The following LRTM3 variants were observed in gnomAD, a reference collection of about 807,000 sequenced individuals.
The protein encoded by LRTM3 is leucine-rich repeat transmembrane protein 3.
At chr13:102,733,249 G>T in the LRTM3 span, 1 of 1,551,400 alleles carries the variant, frequency 6.4e-7, no homozygotes, top group South Asian at 1.2e-5. Flanking sequence ...TCCAGTTGGT[G>T]ACGATACTTA....
At chr13:102,748,802 A>G in the LRTM3 span, 1 of 1,550,464 alleles carries the variant, frequency 6.4e-7, no homozygotes. Flanking sequence ...AGTGTTGACC[A>G]TGAAGGATTG....
At chr13:102,757,980 C>T in the LRTM3 span, among the ~76,000 whole-genome samples, 61,858 of 152,100 alleles carry the variant, frequency 0.41, 14,379 homozygotes, top group Non-Finnish European at 0.51. Context: ...ATCCCTAGCA[C>T]GGAGATAACT....
At chr13:102,758,457 A>G in the LRTM3 span, 2 of 1,539,290 alleles carry the variant, frequency 1.3e-6, no homozygotes, top group East Asian at 4.9e-5. Flanking sequence ...CTGGAGCTGA[A>G]TAGGAATAAA....
At chr13:102,758,858 C>T in the LRTM3 span, 1 of 1,550,230 alleles carries the variant, frequency 6.5e-7, no homozygotes, top group Non-Finnish European at 8.7e-7. Context: ...CTAGAAAGTC[C>T]CATAATGTCA....
chr13:102,758,649 T>G, the LRTM3 span: 4 of 1,513,750 alleles, frequency 2.6e-6, no homozygotes, highest in Non-Finnish European at 3.6e-6. Context: ...CAAATTATTC[T>G]TATGTCTGAT....
At chr13:102,730,892 A>G in the LRTM3 span, 2 of 1,551,360 alleles carry the variant, frequency 1.3e-6, no homozygotes, top group Admixed American at 3.9e-5. Context: ...AAGTAACAAA[A>G]TTCTGTTTTG....
chr13:102,729,733 G>C, the LRTM3 span: 1 of 1,551,880 alleles, frequency 6.4e-7, no homozygotes, highest in Non-Finnish European at 8.7e-7. Context: ...GTTTGCTTTG[G>C]AAACAATCCA....
the LRTM3 span, among the ~76,000 whole-genome samples, chr13:102,752,062 AC>A: frequency 3.3e-5 from 5 of 152,110 alleles, no homozygotes; most frequent in Non-Finnish European, 7.4e-5. Context: ...TTCGCCTTCA[AC>A]AAAGCAACCA....
the LRTM3 span, chr13:102,758,497 G>A: frequency 6.5e-7 from 1 of 1,534,800 alleles, no homozygotes; most frequent in African/African-American, 1.4e-5. Flanking sequence ...GAAAAGCTCA[G>A]GATGAACAAG....
At chr13:102,737,029 A>T in the LRTM3 span, 21 of 1,551,048 alleles carry the variant, frequency 1.4e-5, 1 homozygote, top group South Asian at 2.5e-4. Context: ...TTTCCTGTAC[A>T]TGTCTCAATT....
the LRTM3 span, chr13:102,745,255 C>G: frequency 6.4e-7 from 1 of 1,550,664 alleles, no homozygotes; most frequent in Non-Finnish European, 8.7e-7. Flanking sequence ...TTTCTTCTTG[C>G]TCTTCATCTT....
the LRTM3 span, chr13:102,743,133 C>T: frequency 1.9e-6 from 3 of 1,550,528 alleles, no homozygotes; most frequent in Non-Finnish European, 2.6e-6. Flanking sequence ...GGATCCATTT[C>T]TGTAAGATGT....
chr13:102,744,782 C>A, the LRTM3 span: 1 of 1,550,550 alleles, frequency 6.4e-7, no homozygotes, highest in Non-Finnish European at 8.7e-7. Context: ...ATTACTAGAT[C>A]CACTTTCCAT....
At chr13:102,745,739 C>A in the LRTM3 span, 1 of 1,551,150 alleles carries the variant, frequency 6.4e-7, no homozygotes. Flanking sequence ...TGAGATACCA[C>A]CTTCTCTTGC....
At chr13:102,742,714 G>T in the LRTM3 span, 2 of 1,550,646 alleles carry the variant, frequency 1.3e-6, no homozygotes, top group Non-Finnish European at 1.7e-6. Flanking sequence ...GTCTACCTTG[G>T]GGACTTGACC....
At chr13:102,754,491 T>A in the LRTM3 span, among the ~76,000 whole-genome samples, 2 of 152,106 alleles carry the variant, frequency 1.3e-5, no homozygotes, top group Non-Finnish European at 2.9e-5. Flanking sequence ...TGAATGACCA[T>A]CTCCACCTCC....
At chr13:102,736,659 C>A in the LRTM3 span, 1 of 1,550,700 alleles carries the variant, frequency 6.4e-7, no homozygotes. Context: ...CCTTCTTGTG[C>A]CTTTTCCCCT....
chr13:102,758,729 A>T, the LRTM3 span: 4 of 1,549,696 alleles, frequency 2.6e-6, no homozygotes, highest in Non-Finnish European at 3.5e-6. Flanking sequence ...TACCCTTTTC[A>T]GGAAGTGTGG....
chr13:102,749,000 A>G, the LRTM3 span: 6 of 1,550,882 alleles, frequency 3.9e-6, no homozygotes, highest in South Asian at 4.8e-5. Context: ...TAAACCCGGC[A>G]TGACTTTCAC....
Sources: gnomAD v4.1 joint callset for allele counts (sites outside exome capture counted in the v4.1 genomes callset) on GRCh38, gnomAD v4.1.1 for gene constraint, MANE v1.5 for transcripts, NCBI Gene and HGNC (gene_info 2026-07-23, HGNC 2026-07-21) for gene names.